Variants in TSHR observed in about 807,000 individuals in gnomAD.
TSHR encodes the protein thyrotropin receptor.
TSHR carries 51 observed loss-of-function variants against 64.1 expected under a neutral mutation model. The observed-to-expected ratio is 0.80, with a 90% CI of 0.64 to 1.01. The LOEUF (loss-of-function observed/expected upper bound fraction) is 1.01, where lower values mean the gene tolerates loss of function less well. Among genes scored for constraint, TSHR ranks in the 50% least tolerant of loss-of-function variants. The pLI is 0.00. For synonymous variants in TSHR, 361 were observed against 361.9 expected (o/e 1.00, Z 0.03); for missense variants, 877 against 942.8 (o/e 0.93, Z 0.91).
chr14:81,024,696 A>G (rs1053277021), intron 1 of TSHR, among the ~76,000 whole-genome samples: 3 of 152,158 alleles, frequency 2.0e-5, no homozygotes, highest in Non-Finnish European at 2.9e-5. Flanking sequence ...TTTTTTAACA[A>G]TGGGCCTTGC....
chr14:80,963,492 A>G (rs988081510), intron 1 of TSHR, among the ~76,000 whole-genome samples: 7 of 152,238 alleles, frequency 4.6e-5, no homozygotes, highest in Non-Finnish European at 1.0e-4. Flanking sequence ...AAAAAACATT[A>G]AACAACTATT....
chr14:81,019,457 C>CTT lies in TSHR; in HGVS notation c.171-42673_171-42672dup, dbSNP rs1166193901. On this transcript the variant is annotated intron_variant, in intron 1 of 9. Coordinates refer to ENST00000298171, the MANE Select transcript of TSHR (RefSeq NM_000369.5). ...TGTTAGTGCAAGCAAATCATCAATT[C>CTT]TTTTTTTTTTTTTTTTTTTGTATTT... 1.6e-3 allele frequency among the ~76,000 whole-genome samples: 187 copies of CTT among 118,366 alleles called. 3 individuals carry two copies. Among genetic ancestry groups the CTT allele is most frequent in the African/African-American group, 4.1e-3 (130 of 32,020 alleles). 77.7% of individuals were successfully genotyped at this position (118,366 alleles called of 152,430 possible). A position where few individuals can be genotyped will look rare whatever the true frequency, so the allele number is the denominator to read the frequency against.
intron 3 of TSHR, 176 bp downstream of exon 3, chr14:81,068,504 AC>A: frequency 1.6e-6 from 1 of 618,928 alleles, no homozygotes; most frequent in Non-Finnish European, 2.9e-6. Context: ...TCTTCATTAC[AC>A]CTCAATTCCA....
intron 1 of TSHR, among the ~76,000 whole-genome samples, chr14:80,979,429 G>C (rs1323249742): frequency 4.6e-5 from 7 of 152,190 alleles, no homozygotes; most frequent in African/African-American, 1.7e-4. Context: ...AGTTAGGTAG[G>C]AGGAATAAAT....
chr14:81,108,806 GA>G, intron 8 of TSHR: 1 of 1,551,558 alleles, frequency 6.4e-7, no homozygotes, highest in South Asian at 1.2e-5. Context: ...AGTCTTTGCA[GA>G]AAAAAATGTA....
At chr14:81,006,379 C>T (rs1889605495) in intron 1 of TSHR, among the ~76,000 whole-genome samples, 1 of 152,182 alleles carries the variant, frequency 6.6e-6, no homozygotes, top group African/African-American at 2.4e-5. Flanking sequence ...CTCCTTCTTG[C>T]TGTGTTCTCA....
intron 1 of TSHR, among the ~76,000 whole-genome samples, chr14:81,002,455 G>T (rs1019970613): frequency 1.3e-5 from 2 of 152,126 alleles, no homozygotes; most frequent in African/African-American, 4.8e-5. Flanking sequence ...TCTCAATGTT[G>T]TTGTGAAGAT....
intron 1 of TSHR, among the ~76,000 whole-genome samples, chr14:81,019,058 C>A (rs567964278): frequency 6.6e-6 from 1 of 152,266 alleles, no homozygotes; most frequent in South Asian, 2.1e-4. Flanking sequence ...CATTTTTAAG[C>A]AATTGTAACA....
intron 1 of TSHR, among the ~76,000 whole-genome samples, chr14:80,970,728 C>A (rs945240845): frequency 2.6e-5 from 4 of 152,238 alleles, no homozygotes; most frequent in African/African-American, 9.6e-5. Flanking sequence ...ATGGGTTACA[C>A]TGCTGCCAAA....
rs746936185 is a variant in TSHR, at chr14:81,143,330, T to C, written c.1272T>C (p.Val424=). 12 of 1,614,050 alleles carry C rather than the reference T, an allele frequency of 7.4e-6. No individual in the cohort carries two copies. The highest frequency in any genetic ancestry group is 1.3e-5 in the African/African-American group (1 of 74,922). ...TCCTGAGAATTGTGGTGTGGTTCGTTAGTCTGCTGGCTCTCCTGGGCAATG... is the reference window on the plus strand; with the variant it reads ...TCCTGAGAATTGTGGTGTGGTTCGTCAGTCTGCTGGCTCTCCTGGGCAATG... ...YKFLRIVVWF[V]SLLALLGNVF... Residue 424 remains valine (V), a synonymous_variant, in exon 10 of 10, where the codon GTT becomes GTC. Coordinates refer to ENST00000298171, the MANE Select transcript of TSHR (RefSeq NM_000369.5).
chr14:80,987,627 G>T (rs1022113252), intron 1 of TSHR, among the ~76,000 whole-genome samples: 1 of 152,172 alleles, frequency 6.6e-6, no homozygotes, highest in African/African-American at 2.4e-5. Flanking sequence ...CCTTCTGGTA[G>T]CTGGCAGACT....
chr14:81,112,560 C>T (rs143881689), intron 8 of TSHR, among the ~76,000 whole-genome samples: 5 of 152,342 alleles, frequency 3.3e-5, no homozygotes, highest in Admixed American at 3.3e-4. Flanking sequence ...TTCTTGCTCC[C>T]TCTCATTCCT....
At chr14:80,982,810 C>T in intron 1 of TSHR, 1 of 534,544 alleles carries the variant, frequency 1.9e-6, no homozygotes, top group East Asian at 3.4e-5. Flanking sequence ...CTCATGCTCA[C>T]AGCCCATCCC....
chr14:80,987,614 C>T (rs1291384902), intron 1 of TSHR, among the ~76,000 whole-genome samples: 1 of 152,184 alleles, frequency 6.6e-6, no homozygotes, highest in Non-Finnish European at 1.5e-5. Flanking sequence ...CTCTCTATTG[C>T]CCCCTTCTGG....
At chr14:81,029,270 T>C (rs1370411233) in intron 1 of TSHR, among the ~76,000 whole-genome samples, 1 of 152,132 alleles carries the variant, frequency 6.6e-6, no homozygotes. Flanking sequence ...TTTTTAATTA[T>C]GAGGACATAT....
intron 1 of TSHR, among the ~76,000 whole-genome samples, chr14:81,030,903 T>A (rs1390364348): frequency 6.6e-6 from 1 of 152,192 alleles, no homozygotes; most frequent in African/African-American, 2.4e-5. Flanking sequence ...GGTCATGACA[T>A]TTTTTCATTA....
intron 1 of TSHR, among the ~76,000 whole-genome samples, chr14:81,002,610 G>A (rs4903964): frequency 0.33 from 49,750 of 151,550 alleles, 8,620 homozygotes; most frequent in East Asian, 0.57. Context: ...CCTGCTCTTC[G>A]CCCTATTCCC....
chr14:80,961,240 G>T (rs1887011183), intron 1 of TSHR, among the ~76,000 whole-genome samples: 1 of 151,862 alleles, frequency 6.6e-6, no homozygotes. Flanking sequence ...TCACACTCTG[G>T]ACTTAATGGA....
chr14:81,084,842 C>T lies in TSHR; in HGVS notation c.318-3112C>T, dbSNP rs113877715. ...ATGCTTGAAGGCATTCAAATTTGAA[C>T]GCCTCTTTCACCCTTCTCTGATTAG... On this transcript the variant is annotated intron_variant, in intron 3 of 9. Coordinates refer to ENST00000298171, the MANE Select transcript of TSHR (RefSeq NM_000369.5). Among the ~76,000 whole-genome samples the T allele has an allele frequency of 4.2e-3, 642 of 152,290 alleles. 3 individuals are homozygous for T. The highest frequency in any genetic ancestry group is 7.5e-3 in the Non-Finnish European group (512 of 68,026).
Sources: gnomAD v4.1 joint callset for allele counts (sites outside exome capture counted in the v4.1 genomes callset) on GRCh38, gnomAD v4.1.1 for gene constraint, MANE v1.5 for transcripts, NCBI Gene and HGNC (gene_info 2026-07-23, HGNC 2026-07-21) for gene names.